FAM110A: variants seen among roughly 807,000 people sequenced by gnomAD.
FAM110A encodes family with sequence similarity 110 member A, also known as protein FAM110A.
A neutral mutation model predicts 4.0 loss-of-function variants in FAM110A; 1 was observed. The ratio of observed to expected loss-of-function variants is 0.25; its 90% CI spans 0.09 to 1.20. FAM110A has a LOEUF of 1.20. Ranked by LOEUF, FAM110A falls within the 50% of genes most tolerant of loss-of-function variation. The probability of loss-of-function intolerance (pLI) is 0.50; values close to 1 mark genes in which losing one functional copy is unlikely to be tolerated. For missense variants in FAM110A, 436 were observed against 429.2 expected, an observed-to-expected ratio of 1.02 and a Z score of -0.14; for synonymous variants, 217 against 196.8, an observed-to-expected ratio of 1.10 and a Z score of -0.86.
Position 845,714 on chromosome 20 carries a change from G to T in FAM110A, c.*22G>T, listed in dbSNP as rs201672012. ...CTAGGCGCCACTGGGCCTGGAATTC[G>T]CCACAGGACGGATCTTACAGAGGCA... On this transcript the variant is annotated 3_prime_UTR_variant, in exon 2 of 2. Coordinates refer to ENST00000381941, the MANE Select transcript of FAM110A (RefSeq NM_001042353.3). 1.9e-6 allele frequency: 3 copies of T among 1,613,544 alleles called. No homozygotes were observed. In the African/African-American group the frequency reaches 4.0e-5, roughly 21 times the overall value.
chr20:844,659 G>C, intron 1 of FAM110A, 49 bp from the exon 2 acceptor site: 1 of 1,303,596 alleles, frequency 7.7e-7, no homozygotes, highest in South Asian at 2.1e-5. Context: ...GAGCCTCTTT[G>C]TCTGAGCGCG....
chr20:845,135 A>T lies in FAM110A; in HGVS notation c.331A>T (p.Ile111Phe). The T allele has an allele frequency of 1.3e-6, 2 of 1,581,828 alleles. No individual in the cohort carries two copies. Among genetic ancestry groups the T allele is most frequent in the African/African-American group, 1.4e-5 (1 of 74,056 alleles). The part of the protein sequence containing the change: ...QLDLDILSSL[I>F]DLCDSPVSPA... ...GGACCTGGACATCCTCAGCAGCCTC[A>T]TCGACTTGTGTGACAGCCCCGTGTC... The change falls in exon 2 of 2, where the codon ATC becomes TTC. Residue 111 changes from isoleucine to phenylalanine, a missense_variant. Transcript: ENST00000381941.
rs1038319579 is a variant in FAM110A at position 840,443 on chromosome 20, A to T, written c.-97-4265A>T. Among the ~76,000 whole-genome samples the T allele has an allele frequency of 6.6e-6, 1 of 152,166 alleles. No individual in the cohort carries two copies. The highest frequency in any genetic ancestry group is 2.4e-5 in the African/African-American group (1 of 41,432). ...GTTCCTACCTGCAGTGAGTTATAGG[A>T]CTTGGGGTGGAAGAGGTGACAGTCA... On this transcript the variant is annotated intron_variant, in intron 1 of 1. Transcript: ENST00000381941. The surrounding 1 kb of genome is among the most constrained non-coding windows in gnomAD (Gnocchi z 4.4).
chr20:844,780 A>G lies in FAM110A; in HGVS notation c.-25A>G. 1 of 1,427,818 alleles carries G rather than the reference A, an allele frequency of 7.0e-7. No individual in the cohort carries two copies. The highest frequency in any genetic ancestry group is 9.1e-7 in the Non-Finnish European group (1 of 1,096,084). 88.4% of individuals were successfully genotyped at this position (1,427,818 alleles called of 1,614,324 possible). A position where few individuals can be genotyped will look rare whatever the true frequency, so the allele number is the denominator to read the frequency against. On this transcript the variant is annotated 5_prime_UTR_variant, in exon 2 of 2. Coordinates refer to ENST00000381941, the MANE Select transcript of FAM110A (RefSeq NM_001042353.3). ...CTCATCTCTCCGGTCTCCGCAGACT[A>G]AAGCCCTCGGGATATGCAGCAGCCA... is the stretch of plus-strand genomic sequence containing the variant.
chr20:834,235 G>A lies in FAM110A; in HGVS notation c.-98+284G>A, dbSNP rs1226924165. Among the ~76,000 whole-genome samples the A allele has an allele frequency of 6.6e-6, 1 of 152,200 alleles. No homozygotes were observed. The highest frequency in any genetic ancestry group is 2.4e-5 in the African/African-American group (1 of 41,464). ...ATTTTCCCAGCGTTTTATCGGCAGG[G>A]ACCTGTAGACCCCTGGCTGGATCAC... is the stretch of plus-strand genomic sequence containing the variant. On this transcript the variant is annotated intron_variant, in intron 1 of 1. Coordinates refer to ENST00000381941, the MANE Select transcript of FAM110A (RefSeq NM_001042353.3). The surrounding 1 kb of genome is among the most constrained non-coding windows in gnomAD (Gnocchi z 5.6).
chr20:845,783 T>G lies in FAM110A; in HGVS notation c.*91T>G, dbSNP rs975412443. On this transcript the variant is annotated 3_prime_UTR_variant, in exon 2 of 2. Transcript: ENST00000381941. ...CTTGCATCCATTCTCTAGACGGCCG[T>G]GTCAGAGGCTCCACCCTGTTGTGAA... 339 of 1,545,416 alleles carry G rather than the reference T, an allele frequency of 2.2e-4. 1 individual carries two copies. Among genetic ancestry groups the G allele is most frequent in the Non-Finnish European group, 2.7e-4 (308 of 1,146,448 alleles).
chr20:841,964 TG>T (rs1443462584), intron 1 of FAM110A, among the ~76,000 whole-genome samples: 3 of 152,112 alleles, frequency 2.0e-5, no homozygotes, highest in Non-Finnish European at 4.4e-5. Context: ...GACCCCTGCG[TG>T]GGGGTGGTCT....
Position 845,337 on chromosome 20 carries a change from C to T in FAM110A, c.533C>T (p.Pro178Leu). Residue 178 changes from proline to leucine, a missense_variant, in exon 2 of 2, where the codon CCA becomes CTA. Coordinates refer to ENST00000381941, the MANE Select transcript of FAM110A (RefSeq NM_001042353.3). ...CCCGGCCCTGCCGCCGCCTCCAGCC[C>T]AGCCCGGCCGCCGGGTTTGCAACGC... ...PSPGPAAASS[P>L]ARPPGLQRSK... The T allele has an allele frequency of 6.3e-7, 1 of 1,581,728 alleles. No individual in the cohort carries two copies. Among genetic ancestry groups the T allele is most frequent in the Non-Finnish European group, 8.6e-7 (1 of 1,164,280 alleles).
Position 845,112 on chromosome 20 carries a change from A to G in FAM110A, c.308A>G (p.Asp103Gly), listed in dbSNP as rs1980217448. 2.5e-6 allele frequency: 4 copies of G among 1,591,004 alleles called. No homozygotes were observed. The highest frequency in any genetic ancestry group is 2.6e-6 in the Non-Finnish European group (3 of 1,169,898). Residue 103 changes from aspartate (D) to glycine (G), a missense_variant, in exon 2 of 2, where the codon GAC (aspartate) becomes GGC (glycine). Transcript: ENST00000381941. Reference sequence around the variant, plus strand: ...GGCCCCTGCCGACGGCCCCAGCTGGACCTGGACATCCTCAGCAGCCTCATC... The same window carrying G: ...GGCCCCTGCCGACGGCCCCAGCTGGGCCTGGACATCCTCAGCAGCCTCATC... ...LPGPCRRPQL[D>G]LDILSSLIDL...
intron 1 of FAM110A, chr20:836,169 A>T (rs1441503297): frequency 1.5e-5 from 2 of 131,776 alleles, no homozygotes; most frequent in Non-Finnish European, 3.1e-5. Flanking sequence ...AGCACAAGAG[A>T]GGTTTAATAA....
chr20:841,570 G>A (rs1979917286), intron 1 of FAM110A, among the ~76,000 whole-genome samples: 1 of 152,090 alleles, frequency 6.6e-6, no homozygotes, highest in East Asian at 1.9e-4. Context: ...TTGAGGGAGA[G>A]CAAAAGCCAG....
chr20:845,828 C>A lies in FAM110A; in HGVS notation c.*136C>A. The A allele has an allele frequency of 6.8e-7, 1 of 1,465,950 alleles. No homozygotes were observed. The highest frequency in any genetic ancestry group is 9.0e-7 in the Non-Finnish European group (1 of 1,105,260). 90.8% of individuals were successfully genotyped at this position (1,465,950 alleles called of 1,614,324 possible). On this transcript the variant is annotated 3_prime_UTR_variant, in exon 2 of 2. Transcript: ENST00000381941. Reference sequence around the variant, plus strand: ...TGTGAACTTGGTATGGAGGCAAAGGCTTAGAGGCTGGACCAGCATTGTTGG... The same window carrying A: ...TGTGAACTTGGTATGGAGGCAAAGGATTAGAGGCTGGACCAGCATTGTTGG...
chr20:835,751 C>A lies in FAM110A; in HGVS notation c.-98+1800C>A, dbSNP rs7271234. On this transcript the variant is annotated intron_variant, in intron 1 of 1. Coordinates refer to ENST00000381941, the MANE Select transcript of FAM110A (RefSeq NM_001042353.3). ...GAGGCCTCCAGAAATAGCTCAGGGC[C>A]TGGTGTGGCTCTGGAGGTGGCCCAG... Among the ~76,000 whole-genome samples, 243 of 152,252 alleles carry A rather than the reference C, an allele frequency of 1.6e-3. 2 individuals carry two copies. The highest frequency in any genetic ancestry group is 2.9e-3 in the Non-Finnish European group (196 of 68,014).
In FAM110A at chr20:840,423, T is replaced by C. The variant is rs1209381800; in HGVS notation, c.-97-4285T>C. Among the ~76,000 whole-genome samples, 2 of 152,202 alleles carry C rather than the reference T, an allele frequency of 1.3e-5. No individual in the cohort carries two copies. The highest frequency in any genetic ancestry group is 1.3e-4 in the Admixed American group (2 of 15,288). ...GAAAAAATGGCCTATCAAATGTTCC[T>C]ACCTGCAGTGAGTTATAGGACTTGG... On this transcript the variant is annotated intron_variant, in intron 1 of 1. Coordinates refer to ENST00000381941, the MANE Select transcript of FAM110A (RefSeq NM_001042353.3). This position sits in a 1 kb window ranked among gnomAD's most constrained non-coding sequence, Gnocchi z 4.4.
At chr20:839,230 A>G (rs1407261116) in intron 1 of FAM110A, among the ~76,000 whole-genome samples, 2 of 152,034 alleles carry the variant, frequency 1.3e-5, no homozygotes, top group African/African-American at 4.8e-5. Flanking sequence ...CAGCTGTGTA[A>G]TTTTGGGCAC....
At position 844,651 on chromosome 20, in the gene FAM110A, G is replaced by A. The variant is rs572573383; in HGVS notation, c.-97-57G>A. 2,698 of 1,245,256 alleles carry A rather than the reference G, an allele frequency of 2.2e-3. 12 individuals are homozygous for A. Among genetic ancestry groups the A allele is most frequent in the Middle Eastern group, 3.9e-3 (13 of 3,328 alleles). The allele number at this position is 1,245,256 out of a possible 1,614,324, so 77.1% of individuals were successfully genotyped here. A position where few individuals can be genotyped will look rare whatever the true frequency, so the allele number is the denominator to read the frequency against. ...GTCTTATCCTCTCAGCCGCGGCTGA[G>A]CCTCTTTGTCTGAGCGCGCTCGGCT... is the stretch of plus-strand genomic sequence containing the variant. On this transcript the variant is annotated intron_variant, in intron 1 of 1. Transcript: ENST00000381941.
chr20:845,535 C>G lies in FAM110A; in HGVS notation c.731C>G (p.Ser244Cys), dbSNP rs1466733884. 3 of 1,612,850 alleles carry G rather than the reference C, an allele frequency of 1.9e-6. No homozygotes were observed. Among genetic ancestry groups the G allele is most frequent in the Admixed American group, 3.3e-5 (2 of 59,916 alleles). ...LAGPSAGPGS[S>C]EGGCSRRSSV... ...GGGCCCAGTGCTGGGCCGGGCAGCTCTGAAGGGGGCTGCTCCCGCCGCAGC... is the reference window on the plus strand; with the variant it reads ...GGGCCCAGTGCTGGGCCGGGCAGCTGTGAAGGGGGCTGCTCCCGCCGCAGC... The change falls in exon 2 of 2, where the codon TCT (serine) becomes TGT (cysteine). Residue 244 changes from serine (S) to cysteine (C), a missense_variant. Physicochemically the swap from Ser to Cys is moderately radical, Grantham distance 112 (BLOSUM62 -1). Coordinates refer to ENST00000381941, the MANE Select transcript of FAM110A (RefSeq NM_001042353.3).
chr20:840,776 A>C lies in FAM110A; in HGVS notation c.-97-3932A>C, dbSNP rs1485740988. ...GCCTTGGTCTGGAGGGAAAGTGCGC[A>C]GGCTGGACTCCCCAGAGTGATTTTG... On this transcript the variant is annotated intron_variant, in intron 1 of 1. Transcript: ENST00000381941. The surrounding 1 kb of genome is among the most constrained non-coding windows in gnomAD (Gnocchi z 4.4). Among the ~76,000 whole-genome samples, 2 of 152,314 alleles carry C rather than the reference A, an allele frequency of 1.3e-5. No individual in the cohort carries two copies.
chr20:843,851 G>T (rs1330398917), intron 1 of FAM110A, among the ~76,000 whole-genome samples: 1 of 152,192 alleles, frequency 6.6e-6, no homozygotes, highest in Non-Finnish European at 1.5e-5. Flanking sequence ...CAGGCAGATC[G>T]AGGGTCTGCC....
Sources: gnomAD v4.1 joint callset for allele counts (sites outside exome capture counted in the v4.1 genomes callset) on GRCh38, gnomAD v4.1.1 for gene constraint, Gnocchi (gnomAD v3.1) non-coding constraint, MANE v1.5 for transcripts, NCBI Gene and HGNC (gene_info 2026-07-23, HGNC 2026-07-21) for gene names.